The following SETD3 variants were observed in gnomAD, a reference collection of about 807,000 sequenced individuals.
SETD3 encodes the protein SET domain containing 3, actin N3(tau)-histidine methyltransferase, also known as actin-histidine N-methyltransferase.
In SETD3, 19 loss-of-function variants were observed where a neutral mutation model predicts 63.0. The observed-to-expected ratio is 0.30, with a 90% CI of 0.21 to 0.44. SETD3 has a LOEUF of 0.44. Among genes scored for constraint, SETD3 ranks in the 20% least tolerant of loss-of-function variants. The pLI, the probability that SETD3 is intolerant of heterozygous loss-of-function variation, is 1.00. For synonymous variants in SETD3, 286 were observed against 264.1 expected, an observed-to-expected ratio of 1.08 and a Z score of -0.80; for missense variants, 587 against 728.5, an observed-to-expected ratio of 0.81 and a Z score of 2.24.
intron 6 of SETD3, among the ~76,000 whole-genome samples, chr14:99,444,725 T>A (rs1276973642): frequency 6.6e-6 from 1 of 151,638 alleles, no homozygotes; most frequent in Non-Finnish European, 1.5e-5. Flanking sequence ...CTGGGCATGG[T>A]GGTGCACGCT....
chr14:99,408,050 T>A (rs897368870), intron 8 of SETD3, among the ~76,000 whole-genome samples: 10 of 152,226 alleles, frequency 6.6e-5, no homozygotes, highest in Non-Finnish European at 1.2e-4. Context: ...ACTCATTTTA[T>A]CCTGGAGAAT....
At chr14:99,446,948 C>T (rs557205424) in intron 6 of SETD3, among the ~76,000 whole-genome samples, 1 of 149,460 alleles carries the variant, frequency 6.7e-6, no homozygotes, top group African/African-American at 2.5e-5. Context: ...GACAGAGCCC[C>T]AAGGACAAAG....
Position 99,412,936 on chromosome 14 carries a change from G to A in SETD3, c.849+15C>T, listed in dbSNP as rs553426379. 20 of 1,547,718 alleles carry A rather than the reference G, an allele frequency of 1.3e-5. No homozygotes were observed. In the East Asian group the frequency reaches 4.3e-4, roughly 33 times the overall value. The stretch of plus-strand genomic sequence containing the variant: ...CCTCCCAGATTCAACACAACACAGG[G>A]GAAGAGGTCGTTACCAGGCCGTTGG... On this transcript the variant is annotated intron_variant, in intron 8 of 12. Coordinates refer to ENST00000331768, the MANE Select transcript of SETD3 (RefSeq NM_032233.3).
chr14:99,409,307 T>G (rs1010082032), intron 8 of SETD3, among the ~76,000 whole-genome samples: 9 of 152,182 alleles, frequency 5.9e-5, no homozygotes, highest in Non-Finnish European at 5.9e-5. Flanking sequence ...AGAAAAAAAT[T>G]TATATATATA....
At chr14:99,472,914 ATAGT>A (rs1393281744) in intron 1 of SETD3, among the ~76,000 whole-genome samples, 24 of 152,250 alleles carry the variant, frequency 1.6e-4, no homozygotes. Context: ...TTATACAATT[ATAGT>A]TAGTCATTCA....
intron 6 of SETD3, among the ~76,000 whole-genome samples, chr14:99,442,829 C>G (rs1279459256): frequency 6.6e-6 from 1 of 152,116 alleles, no homozygotes. Context: ...CATCACTGCC[C>G]CCTGTGCTGT....
At chr14:99,466,192 T>G (rs1895361918) in intron 1 of SETD3, among the ~76,000 whole-genome samples, 1 of 152,222 alleles carries the variant, frequency 6.6e-6, no homozygotes, top group Admixed American at 6.5e-5. Flanking sequence ...GACCTATATA[T>G]TCTCTCCCCA....
chr14:99,480,086 G>A (rs535465066), intron 1 of SETD3, among the ~76,000 whole-genome samples: 1 of 152,322 alleles, frequency 6.6e-6, no homozygotes, highest in South Asian at 2.1e-4. Context: ...GCACGGCCAG[G>A]GGCGCGTGGG....
chr14:99,443,338 G>A (rs948568476), intron 6 of SETD3, among the ~76,000 whole-genome samples: 27 of 132,580 alleles, frequency 2.0e-4, no homozygotes, highest in African/African-American at 7.7e-4. Flanking sequence ...TCAAACCTCC[G>A]CCTCCTGGGT....
At chr14:99,447,751 A>G (rs1894217244) in intron 6 of SETD3, among the ~76,000 whole-genome samples, 1 of 152,264 alleles carries the variant, frequency 6.6e-6, no homozygotes, top group African/African-American at 2.4e-5. Flanking sequence ...GATAACAATA[A>G]AAGAAAAAAA....
At chr14:99,448,796 T>A (rs1212914721) in intron 6 of SETD3, among the ~76,000 whole-genome samples, 3 of 152,180 alleles carry the variant, frequency 2.0e-5, no homozygotes, top group Non-Finnish European at 4.4e-5. Context: ...TAGGGAAACA[T>A]TTAAGTGAAA....
At chr14:99,427,352 T>C (rs906054026) in intron 6 of SETD3, among the ~76,000 whole-genome samples, 1 of 152,212 alleles carries the variant, frequency 6.6e-6, no homozygotes, top group African/African-American at 2.4e-5. Flanking sequence ...GCTTAAAATA[T>C]ATGCCCATGT....
At chr14:99,419,398 T>C (rs1188261552) in intron 6 of SETD3, among the ~76,000 whole-genome samples, 3 of 152,230 alleles carry the variant, frequency 2.0e-5, no homozygotes, top group African/African-American at 7.2e-5. Flanking sequence ...TTTTCTCCCA[T>C]TGGAAGACAA....
At chr14:99,405,803 T>C (rs780310603) in intron 9 of SETD3, among the ~76,000 whole-genome samples, 9 of 152,236 alleles carry the variant, frequency 5.9e-5, no homozygotes, top group Non-Finnish European at 1.2e-4. Context: ...TGTAAAGCAG[T>C]ATCTGTCAGA....
intron 6 of SETD3, among the ~76,000 whole-genome samples, chr14:99,423,091 T>C (rs985224838): frequency 2.0e-5 from 3 of 152,208 alleles, no homozygotes; most frequent in Non-Finnish European, 4.4e-5. Flanking sequence ...TCCGCAACAC[T>C]GTCCCTGGGT....
chr14:99,440,676 C>T (rs557540449), intron 6 of SETD3, among the ~76,000 whole-genome samples: 1 of 151,368 alleles, frequency 6.6e-6, no homozygotes, highest in Admixed American at 6.6e-5. Context: ...ATAGGGTGCA[C>T]CTGAAGAGAG....
intron 6 of SETD3, among the ~76,000 whole-genome samples, chr14:99,456,786 CACT>C (rs1894785427): frequency 6.6e-6 from 1 of 152,154 alleles, no homozygotes. Context: ...AGCAAAGCTG[CACT>C]ACTTAGTTAA....
At chr14:99,433,476 T>C (rs993656297) in intron 6 of SETD3, among the ~76,000 whole-genome samples, 5 of 152,098 alleles carry the variant, frequency 3.3e-5, no homozygotes, top group Non-Finnish European at 7.4e-5. Flanking sequence ...CTCACTCTGT[T>C]GTCCAGGCTG....
chr14:99,433,651 A>G (rs1411727545), intron 6 of SETD3, among the ~76,000 whole-genome samples: 2 of 152,034 alleles, frequency 1.3e-5, no homozygotes, highest in African/African-American at 4.8e-5. Flanking sequence ...GTTAGCCAGG[A>G]TGGTCTCGAT....
Sources: allele counts gnomAD v4.1 joint callset (sites outside exome capture counted in the v4.1 genomes callset), GRCh38; gene constraint gnomAD v4.1.1; transcripts MANE v1.5; gene names NCBI Gene and HGNC (gene_info 2026-07-23, HGNC 2026-07-21).